The following ERC1 variants were observed in gnomAD, a reference collection of about 807,000 sequenced individuals.
ERC1 encodes ELKS/RAB6-interacting/CAST family member 1, also known as RAB6 interacting protein 2.
ERC1 carries 56 observed loss-of-function variants against 132.0 expected under a neutral mutation model. The ratio of observed to expected loss-of-function variants is 0.42; its 90% CI spans 0.34 to 0.53. The LOEUF is 0.53. ERC1 is among the 20% of genes least tolerant of loss of function. The pLI is 0.03. For missense variants in ERC1, 1,202 were observed against 1,349.9 expected, an observed-to-expected ratio of 0.89 and a Z score of 1.72; for synonymous variants, 478 against 476.1, an observed-to-expected ratio of 1.00 and a Z score of -0.05.
intron 16 of ERC1, among the ~76,000 whole-genome samples, chr12:1,384,904 G>A (rs2089147166): frequency 6.6e-6 from 1 of 152,066 alleles, no homozygotes; most frequent in Non-Finnish European, 1.5e-5. Flanking sequence ...TAAAATTATG[G>A]GTTCTCAGAA....
At chr12:1,414,258 C>G (rs1296537907) in intron 17 of ERC1, among the ~76,000 whole-genome samples, 1 of 152,192 alleles carries the variant, frequency 6.6e-6, no homozygotes, top group Non-Finnish European at 1.5e-5. Flanking sequence ...GGCTGAAAGT[C>G]TGAGGTCAGG....
rs374671831 is a variant in ERC1, at chr12:1,269,963, G to A, written c.2619+6798G>A. On this transcript the variant is annotated intron_variant, in intron 14 of 18. Coordinates refer to ENST00000360905, the MANE Select transcript of ERC1 (RefSeq NM_178040.4). ...TGGTGTTAAGATAATGGATGAGTCC[G>A]TCAGGTTGTTTTCAACAGAATTGAA... Among the ~76,000 whole-genome samples, 56 of 152,276 alleles carry A rather than the reference G, an allele frequency of 3.7e-4. 2 individuals are homozygous for A. In the South Asian group the frequency reaches 9.7e-3, roughly 26 times the overall value.
At chr12:1,006,880 C>T (rs1346701343) in intron 1 of ERC1, among the ~76,000 whole-genome samples, 2 of 151,228 alleles carry the variant, frequency 1.3e-5, no homozygotes, top group African/African-American at 4.9e-5. Context: ...TATGTATTTC[C>T]TTTTTTCTTT....
chr12:1,110,569 C>G (rs758306231), intron 5 of ERC1, among the ~76,000 whole-genome samples: 1 of 152,162 alleles, frequency 6.6e-6, no homozygotes, highest in Non-Finnish European at 1.5e-5. Flanking sequence ...AGACAATTCT[C>G]TGTATGAGGC....
At chr12:1,311,795 T>A (rs2081326738) in intron 15 of ERC1, among the ~76,000 whole-genome samples, 1 of 152,242 alleles carries the variant, frequency 6.6e-6, no homozygotes, top group African/African-American at 2.4e-5. Flanking sequence ...TCACTTGAAG[T>A]AGCCATGCTT....
intron 8 of ERC1, among the ~76,000 whole-genome samples, chr12:1,156,948 A>G (rs1951453744): frequency 6.6e-6 from 1 of 152,230 alleles, no homozygotes; most frequent in Non-Finnish European, 1.5e-5. Flanking sequence ...TATGTTTTAC[A>G]AATACATTTT....
intron 2 of ERC1, among the ~76,000 whole-genome samples, chr12:1,062,132 CACCA>C: frequency 6.6e-6 from 1 of 151,598 alleles, no homozygotes; most frequent in Non-Finnish European, 1.5e-5. Flanking sequence ...TACAGGCACC[CACCA>C]GCACGCCTGG....
chr12:1,185,313 C>T (rs1954951760), intron 11 of ERC1, among the ~76,000 whole-genome samples: 1 of 152,000 alleles, frequency 6.6e-6, no homozygotes, highest in East Asian at 1.9e-4. Flanking sequence ...CTGCTGGGAG[C>T]AAGGCCACTA....
rs766757107 is a variant in ERC1 at position 1,094,497 on chromosome 12, G to A, written c.1087-10253G>A. ...GCGATCTCAGCTCACCTCAACCTCC[G>A]CCACCTGGGTTCAAGTGATTCTCCT... On this transcript the variant is annotated intron_variant, in intron 3 of 18. Transcript: ENST00000360905. Among the ~76,000 whole-genome samples, 28 of 146,898 alleles carry A rather than the reference G, an allele frequency of 1.9e-4. 2 individuals carry two copies. The highest frequency in any genetic ancestry group is 6.9e-5 in the Admixed American group (1 of 14,396).
chr12:1,141,541 C>A (rs2154249027), intron 7 of ERC1, 79 bp from the exon 8 acceptor site: 5 of 1,215,596 alleles, frequency 4.1e-6, no homozygotes, highest in Middle Eastern at 2.4e-4. Context: ...CTCTTTATAA[C>A]CTTTATAACA....
At chr12:1,208,276 C>A (rs1957525139) in intron 12 of ERC1, among the ~76,000 whole-genome samples, 1 of 152,166 alleles carries the variant, frequency 6.6e-6, no homozygotes, top group Non-Finnish European at 1.5e-5. Flanking sequence ...AGCCCATGGC[C>A]TGCATGCAGC....
At chr12:1,079,289 C>T (rs1593161182) in intron 2 of ERC1, among the ~76,000 whole-genome samples, 1 of 148,580 alleles carries the variant, frequency 6.7e-6, no homozygotes, top group African/African-American at 2.5e-5. Context: ...TACGACAAGT[C>T]GATATACAGA....
intron 15 of ERC1, among the ~76,000 whole-genome samples, chr12:1,318,907 G>C (rs1246196318): frequency 1.3e-5 from 2 of 152,122 alleles, no homozygotes; most frequent in Non-Finnish European, 2.9e-5. Flanking sequence ...GGGTGCAGCA[G>C]CTCCAAGCAA....
intron 18 of ERC1, among the ~76,000 whole-genome samples, chr12:1,482,141 G>A (rs1293002655): frequency 6.6e-6 from 1 of 152,162 alleles, no homozygotes; most frequent in Non-Finnish European, 1.5e-5. Context: ...CAGCCCGGGG[G>A]CCTTTGTCTC....
At chr12:1,299,589 AG>A (rs1431107432) in intron 15 of ERC1, among the ~76,000 whole-genome samples, 1 of 152,232 alleles carries the variant, frequency 6.6e-6, no homozygotes, top group East Asian at 1.9e-4. Context: ...CTAAGGTACC[AG>A]AAAAAGAAGC....
intron 16 of ERC1, among the ~76,000 whole-genome samples, chr12:1,393,638 G>C (rs573543867): frequency 7.4e-4 from 108 of 145,880 alleles, no homozygotes; most frequent in African/African-American, 2.8e-3. Context: ...GTGTGTGTGT[G>C]TGTGTGTGTG....
intron 14 of ERC1, 84 bp downstream of exon 14, chr12:1,263,249 CATA>C: frequency 7.3e-7 from 1 of 1,373,742 alleles, no homozygotes; most frequent in Non-Finnish European, 1.0e-6. Flanking sequence ...GTAAACTATA[CATA>C]TTGTATGTTT....
At chr12:1,424,905 GA>G (rs2092586006) in intron 17 of ERC1, among the ~76,000 whole-genome samples, 1 of 150,322 alleles carries the variant, frequency 6.7e-6, no homozygotes, top group African/African-American at 2.5e-5. Context: ...TAGATAGATA[GA>G]TAGATAATCT....
chr12:1,274,971 A>C (rs1377313137), intron 14 of ERC1, among the ~76,000 whole-genome samples: 2 of 152,210 alleles, frequency 1.3e-5, no homozygotes, highest in African/African-American at 2.4e-5. Flanking sequence ...GAGTTCGTGG[A>C]GTGTACTAAG....
Sources: gnomAD v4.1 joint callset for allele counts (sites outside exome capture counted in the v4.1 genomes callset) on GRCh38, gnomAD v4.1.1 for gene constraint, MANE v1.5 for transcripts, NCBI Gene and HGNC (gene_info 2026-07-23, HGNC 2026-07-21) for gene names.